MON2: variants seen among roughly 807,000 people sequenced by gnomAD.
MON2 encodes the protein MON2 regulator of endosome-to-Golgi trafficking, also known as protein MON2 homolog.
In MON2, 84 loss-of-function variants were observed where a neutral mutation model predicts 208.6. That is an observed-to-expected ratio of 0.40 (90% confidence interval 0.34 to 0.48). The LOEUF (loss-of-function observed/expected upper bound fraction) is 0.48, where lower values mean the gene tolerates loss of function less well. MON2 is among the 20% of genes least tolerant of loss of function. The pLI is 0.59. For synonymous variants in MON2, 660 were observed against 694.0 expected, an observed-to-expected ratio of 0.95 and a Z score of 0.77; for missense variants, 1,611 against 2,015.4, an observed-to-expected ratio of 0.80 and a Z score of 3.84.
Position 62,498,992 on chromosome 12 carries a change from G to A in MON2, c.509G>A (p.Arg170Gln), listed in dbSNP as rs762118035. 14 of 1,612,802 alleles carry A rather than the reference G, an allele frequency of 8.7e-6. No homozygotes were observed. Among genetic ancestry groups the A allele is most frequent in the Admixed American group, 3.3e-5 (2 of 59,810 alleles). ...AATAATACAGCTGCTGCTACAGTGC[G>A]ACAAGTTGTTACTGTTGTTTTTGAG... is the stretch of plus-strand genomic sequence containing the variant. ...ITNNTAAATVRQVVTVVFERM... is the reference protein window; with the variant it reads ...ITNNTAAATVQQVVTVVFERM... The change falls in exon 5 of 35, where the codon CGA (arginine) becomes CAA (glutamine). Residue 170 changes from arginine to glutamine, a missense_variant. By Grantham distance (43) the Arg-to-Gln change is conservative (BLOSUM62 1). Transcript: ENST00000393630.
chr12:62,560,578 TG>T lies in MON2; in HGVS notation c.3498del (p.Ser1168AlafsTer23). 1 of 1,614,122 alleles carries T rather than the reference TG, an allele frequency of 6.2e-7. No individual in the cohort carries two copies. The highest frequency in any genetic ancestry group is 8.5e-7 in the Non-Finnish European group (1 of 1,180,006). On this transcript the variant is annotated frameshift_variant, in exon 26 of 35. Transcript: ENST00000393630. LOFTEE classifies it high-confidence loss of function. ...AACAATGAAGTATCTCTGGCTGCTC[TG>T]AAAAGCTTCCAGGAAATTTTACAGA... is the stretch of plus-strand genomic sequence containing the variant. ...SKNNEVSLAA[L>X]KSFQEILQIV... is the part of the protein sequence containing the mutation.
intron 7 of MON2, among the ~76,000 whole-genome samples, chr12:62,504,215 C>T (rs551006155): frequency 6.7e-6 from 1 of 149,134 alleles, no homozygotes; most frequent in South Asian, 2.1e-4. Flanking sequence ...AGATTTGAAA[C>T]CGTTTTTACA....
Position 62,556,199 on chromosome 12 carries a change from G to T in MON2, c.3409+7G>T, listed in dbSNP as rs757044282. 1 of 1,611,872 alleles carries T rather than the reference G, an allele frequency of 6.2e-7. No homozygotes were observed. Among genetic ancestry groups the T allele is most frequent in the Non-Finnish European group, 8.5e-7 (1 of 1,178,982 alleles). The stretch of plus-strand genomic sequence containing the variant: ...TATTTGCTGCAGCCTTTAGGTATAC[G>T]TACATTTTTTTCTGATTATACAAGT... On this transcript the variant is annotated splice_region_variant and intron_variant, in intron 25 of 34. Coordinates refer to ENST00000393630, the MANE Select transcript of MON2 (RefSeq NM_015026.3).
intron 1 of MON2, among the ~76,000 whole-genome samples, 193 bp downstream of exon 1, chr12:62,467,511 C>A (rs888126927): frequency 1.3e-5 from 2 of 152,306 alleles, no homozygotes; most frequent in African/African-American, 4.8e-5. Flanking sequence ...GATTTTCTCC[C>A]CTCTCCTGTC....
At chr12:62,479,222 T>A (rs778419605) in intron 1 of MON2, among the ~76,000 whole-genome samples, 1 of 152,164 alleles carries the variant, frequency 6.6e-6, no homozygotes, top group Non-Finnish European at 1.5e-5. Flanking sequence ...TCCTTTGATA[T>A]CTGCAGGGAA....
intron 22 of MON2, among the ~76,000 whole-genome samples, chr12:62,548,800 A>G (rs532638858): frequency 6.6e-6 from 1 of 152,266 alleles, no homozygotes; most frequent in South Asian, 2.1e-4. Flanking sequence ...ACTATTTTTT[A>G]CCACCAGGAT....
At chr12:62,518,741 T>C (rs1213176526) in intron 8 of MON2, among the ~76,000 whole-genome samples, 2 of 152,184 alleles carry the variant, frequency 1.3e-5, no homozygotes, top group African/African-American at 4.8e-5. Context: ...ACTTGTGAAC[T>C]GTGGGTGATG....
rs568074105 is a variant in MON2, at chr12:62,500,837, G to A, written c.620G>A (p.Ser207Asn). ...VQGNSNRRSV[S>N]TLKPCAKDAY... The stretch of plus-strand genomic sequence containing the variant: ...GGAAATAGTAACAGAAGATCTGTCA[G>A]TACCCTCAAACCTTGTGCTAAAGAT... The change falls in exon 6 of 35, where the codon AGT becomes AAT. Residue 207 changes from serine to asparagine, a missense_variant. Ser to Asn is a conservative substitution (Grantham distance 46). Coordinates refer to ENST00000393630, the MANE Select transcript of MON2 (RefSeq NM_015026.3). 24 of 1,594,136 alleles carry A rather than the reference G, an allele frequency of 1.5e-5. No individual in the cohort carries two copies. Among genetic ancestry groups the A allele is most frequent in the Non-Finnish European group, 2.0e-5 (23 of 1,171,272 alleles).
intron 30 of MON2, among the ~76,000 whole-genome samples, chr12:62,575,643 A>G (rs2074745671): frequency 6.6e-6 from 1 of 152,230 alleles, no homozygotes; most frequent in Non-Finnish European, 1.5e-5. Context: ...ATATTCCCCA[A>G]ACTTTTTGAT....
chr12:62,505,203 C>A (rs1014259092), intron 7 of MON2, among the ~76,000 whole-genome samples: 3 of 152,098 alleles, frequency 2.0e-5, no homozygotes, highest in African/African-American at 7.2e-5. Flanking sequence ...ACTCCATGGG[C>A]AGAATTTTTA....
At position 62,599,455 on chromosome 12, in the gene MON2, T is replaced by G. The variant is rs573096995; in HGVS notation, c.*6706T>G. ...AATGAAAGTATAAAACAAGAATTTG[T>G]ACGTTACTCAGTGTGTACTGCAGTC... On this transcript the variant is annotated 3_prime_UTR_variant, in exon 35 of 35. Transcript: ENST00000393630. The G allele has an allele frequency of 1.8e-4, 27 of 152,366 alleles. No homozygotes were observed. The highest frequency in any genetic ancestry group is 6.0e-4 in the African/African-American group (25 of 41,594). 9.4% of individuals were successfully genotyped at this position (152,366 alleles called of 1,614,324 possible).
intron 8 of MON2, among the ~76,000 whole-genome samples, chr12:62,513,677 T>G (rs1185776981): frequency 6.6e-6 from 1 of 151,682 alleles, no homozygotes; most frequent in Non-Finnish European, 1.5e-5. Context: ...CTGAGTGTGG[T>G]GGCTCACGCC....
intron 33 of MON2, 73 bp from the exon 34 acceptor site, chr12:62,588,001 A>G: frequency 1.1e-6 from 1 of 913,634 alleles, no homozygotes; most frequent in Non-Finnish European, 1.8e-6. Context: ...ATTTGTACAA[A>G]CTTAGTTTAA....
chr12:62,508,339 G>A lies in MON2; in HGVS notation c.843G>A (p.Lys281=), dbSNP rs1428274102. The A allele has an allele frequency of 1.2e-6, 2 of 1,613,936 alleles. No homozygotes were observed. The highest frequency in any genetic ancestry group is 1.7e-6 in the Non-Finnish European group (2 of 1,179,934). ...AAAGGGTATGTCCTCTTGTGATAAAGCTCTTTTCTCCAAATATAAAGTTCA... is the reference window on the plus strand; with the variant it reads ...AAAGGGTATGTCCTCTTGTGATAAAACTCTTTTCTCCAAATATAAAGTTCA... The part of the protein sequence containing the change: ...LKERVCPLVI[K]LFSPNIKFRQ... The change falls in exon 8 of 35, where the codon AAG becomes AAA. Residue 281 remains lysine (K), a synonymous_variant. Transcript: ENST00000393630.
intron 30 of MON2, among the ~76,000 whole-genome samples, chr12:62,573,145 T>C (rs964006098): frequency 6.6e-6 from 1 of 152,202 alleles, no homozygotes; most frequent in Non-Finnish European, 1.5e-5. Flanking sequence ...ATGTTATTGA[T>C]ACCAATGTAA....
chr12:62,468,720 T>C (rs2068635063), intron 1 of MON2, among the ~76,000 whole-genome samples: 1 of 152,232 alleles, frequency 6.6e-6, no homozygotes, highest in South Asian at 2.1e-4. Context: ...TTGAAAGTTA[T>C]AACAAGTAAA....
chr12:62,478,047 T>A (rs11174500), intron 1 of MON2, among the ~76,000 whole-genome samples: 6,910 of 152,236 alleles, frequency 0.045, 221 homozygotes, highest in Non-Finnish European at 0.059. Context: ...CATGTTTCAA[T>A]TTGTGATACA....
chr12:62,568,653 T>C (rs537468627), intron 29 of MON2, among the ~76,000 whole-genome samples: 2 of 152,232 alleles, frequency 1.3e-5, no homozygotes, highest in South Asian at 4.1e-4. Flanking sequence ...TTTATATATA[T>C]GTATACATCT....
intron 21 of MON2, chr12:62,545,656 T>C (rs1293451827): frequency 6.6e-6 from 1 of 152,014 alleles, no homozygotes; most frequent in Non-Finnish European, 1.5e-5. Flanking sequence ...ATCATTTCAT[T>C]ATATGTGCTA....
Sources: gnomAD v4.1 joint callset for allele counts (sites outside exome capture counted in the v4.1 genomes callset) on GRCh38, gnomAD v4.1.1 for gene constraint, MANE v1.5 for transcripts, NCBI Gene and HGNC (gene_info 2026-07-23, HGNC 2026-07-21) for gene names.